MCFD2: variants seen among roughly 807,000 people sequenced by gnomAD.
MCFD2 encodes the protein multiple coagulation factor deficiency protein 2.
Under a neutral mutation model 12.8 loss-of-function variants are expected in MCFD2, and 11 were observed. The observed-to-expected ratio is 0.86, with a 90% CI of 0.54 to 1.42. The LOEUF (loss-of-function observed/expected upper bound fraction) is 1.42. Ranked by LOEUF, MCFD2 falls within the 40% of genes most tolerant of loss-of-function variation. MCFD2 has a pLI of 0.00. For missense variants in MCFD2, 191 were observed against 178.6 expected (o/e 1.07, Z -0.40); for synonymous variants, 70 against 68.1 (o/e 1.03, Z -0.14).
rs532349944 is a variant in MCFD2, at chr2:46,936,469, G to C, written c.-8+5103C>G. 9.2e-4 allele frequency among the ~76,000 whole-genome samples: 140 copies of C among 152,230 alleles called. 3 individuals carry two copies. The South Asian group carries it at 0.029, about 31-fold the overall frequency. ...TCTCTCCGGACCCTCTGTCTGCTGG[G>C]AACTGTAAATTCATCAGGATTACAG... On this transcript the variant is annotated intron_variant, in intron 1 of 2. Transcript: ENST00000409147.
At chr2:46,917,393 T>C (rs6715620), upstream of MCFD2, 23,139 of 576,110 alleles carry the variant, frequency 0.04, 944 homozygotes, top group East Asian at 0.12. Context: ...AGTTCCTCCT[T>C]CTACCCTGCA....
intron 1 of MCFD2, among the ~76,000 whole-genome samples, chr2:46,926,618 C>G (rs897171394): frequency 1.3e-5 from 2 of 152,064 alleles, no homozygotes; most frequent in African/African-American, 4.8e-5. Context: ...TTGGTAGAGC[C>G]CCCCCAGGTG....
upstream of MCFD2, among the ~76,000 whole-genome samples, chr2:46,918,362 A>G (rs1262210644): frequency 1.3e-5 from 2 of 152,110 alleles, no homozygotes; most frequent in African/African-American, 2.4e-5. Flanking sequence ...TTCCACCTCC[A>G]CTAAACCATC....
chr2:46,930,517 TA>T (rs1251023975), intron 1 of MCFD2, among the ~76,000 whole-genome samples: 1 of 145,802 alleles, frequency 6.9e-6, no homozygotes, highest in Admixed American at 6.8e-5. Context: ...TTTTTTTTTT[TA>T]GACAAAGTCT....
At position 46,909,148 on chromosome 2, in the gene MCFD2, T is replaced by G. The variant is rs1454584927; in HGVS notation, c.24A>C (p.Arg8Ser). The change falls in exon 2 of 4, where the codon AGA becomes AGC. Residue 8 changes from arginine (R) to serine (S), a missense_variant. Transcript: ENST00000319466. ...AGAGCAGGCCACACAGGAAGGGGGT[T>G]CTGAGCAGGGATCTCATGGTCATCA... MTMRSLLRTPFLCGLLWA... is the reference protein window; with the variant it reads MTMRSLLSTPFLCGLLWA... 2 of 1,614,128 alleles carry G rather than the reference T, an allele frequency of 1.2e-6. No homozygotes were observed. Among genetic ancestry groups the G allele is most frequent in the Admixed American group, 1.7e-5 (1 of 60,010 alleles).
upstream of MCFD2, among the ~76,000 whole-genome samples, chr2:46,917,840 TCTC>T (rs1237580889): frequency 6.6e-6 from 1 of 152,210 alleles, no homozygotes; most frequent in East Asian, 1.9e-4. Context: ...AACACTTTCT[TCTC>T]TTGTTTTCTG....
At chr2:46,930,656 C>T (rs780071449) in intron 1 of MCFD2, among the ~76,000 whole-genome samples, 9 of 152,128 alleles carry the variant, frequency 5.9e-5, no homozygotes, top group African/African-American at 1.2e-4. Flanking sequence ...CCTGCAACCA[C>T]GTGCAGCTAA....
upstream of MCFD2, among the ~76,000 whole-genome samples, chr2:46,917,529 A>G (rs1668874950): frequency 6.6e-6 from 1 of 152,244 alleles, no homozygotes; most frequent in African/African-American, 2.4e-5. Context: ...AGAGATACAA[A>G]TAAGACAAAT....
chr2:46,922,923 A>G (rs1315438068), intron 1 of MCFD2, among the ~76,000 whole-genome samples: 1 of 152,226 alleles, frequency 6.6e-6, no homozygotes, highest in Non-Finnish European at 1.5e-5. Context: ...CAAGGCCCCT[A>G]AAACATCTGA....
Position 46,908,574 on chromosome 2 carries a change from A to C in MCFD2, c.149+449T>G. ...CCACTGCACCCAGCCTTAAAAACAAAGGATAACCGAGTATAATGCGTGAGG... is the reference window on the plus strand; with the variant it reads ...CCACTGCACCCAGCCTTAAAAACAACGGATAACCGAGTATAATGCGTGAGG... On this transcript the variant is annotated intron_variant, in intron 2 of 3. Coordinates refer to ENST00000319466, the MANE Select transcript of MCFD2 (RefSeq NM_139279.6). The surrounding 1 kb of genome is among the most constrained non-coding windows in gnomAD (Gnocchi z 4.5). The C allele has an allele frequency of 3.6e-6, 1 of 274,398 alleles. No individual in the cohort carries two copies. The highest frequency in any genetic ancestry group is 7.1e-6 in the Non-Finnish European group (1 of 141,166). 17.0% of individuals were successfully genotyped at this position (274,398 alleles called of 1,614,324 possible).
intron 1 of MCFD2, among the ~76,000 whole-genome samples, chr2:46,930,491 C>A (rs1273783985): frequency 2.7e-5 from 4 of 147,088 alleles, no homozygotes; most frequent in Non-Finnish European, 4.5e-5. Flanking sequence ...AATTTGAAGT[C>A]CTATAATTTT....
At chr2:46,912,838 G>A (rs1375729149) in intron 1 of MCFD2, among the ~76,000 whole-genome samples, 1 of 152,190 alleles carries the variant, frequency 6.6e-6, no homozygotes, top group African/African-American at 2.4e-5. Context: ...TAGCCTGTGT[G>A]CCATGGTCCT....
intron 1 of MCFD2, among the ~76,000 whole-genome samples, chr2:46,909,381 C>T (rs930079242): frequency 6.6e-6 from 1 of 152,200 alleles, no homozygotes; most frequent in South Asian, 2.1e-4. Flanking sequence ...CAGGGGAAGG[C>T]TCACGAGGTT....
rs1294221028 is a variant in MCFD2, at chr2:46,907,869, CA to C, written c.249del (p.Asp83GlufsTer9). The C allele has an allele frequency of 3.7e-6, 6 of 1,614,056 alleles. No individual in the cohort carries two copies. Among genetic ancestry groups the C allele is most frequent in the Non-Finnish European group, 5.1e-6 (6 of 1,180,048 alleles). On this transcript the variant is annotated frameshift_variant, in exon 3 of 4. Transcript: ENST00000319466. LOFTEE classifies it high-confidence loss of function. This position sits in a 1 kb window ranked among gnomAD's most constrained non-coding sequence, Gnocchi z 4.1. ...QLHYFKMHDY[D>X]GNNLLDGLEL... The stretch of plus-strand genomic sequence containing the variant: ...TCTAAGCCATCAAGCAAATTATTGC[CA>C]TCATAATCATGCATTTTGAAGTAAT...
chr2:46,908,653 G>C lies in MCFD2; in HGVS notation c.149+370C>G. The stretch of plus-strand genomic sequence containing the variant: ...AAATGATTCAATGTTTGAATGTGTT[G>C]ATTTAAAAAAGGTCTTGTTATAGTC... On this transcript the variant is annotated intron_variant, in intron 2 of 3. Coordinates refer to ENST00000319466, the MANE Select transcript of MCFD2 (RefSeq NM_139279.6). The surrounding 1 kb of genome is among the most constrained non-coding windows in gnomAD (Gnocchi z 4.5). 1 of 333,820 alleles carries C rather than the reference G, an allele frequency of 3.0e-6. No homozygotes were observed. Among genetic ancestry groups the C allele is most frequent in the Non-Finnish European group, 5.8e-6 (1 of 173,800 alleles). 20.7% of individuals were successfully genotyped at this position (333,820 alleles called of 1,614,324 possible). A position where few individuals can be genotyped will look rare whatever the true frequency, so the allele number is the denominator to read the frequency against.
Position 46,904,956 on chromosome 2 carries a change from G to A in MCFD2, c.*507C>T. 1 of 223,028 alleles carries A rather than the reference G, an allele frequency of 4.5e-6. No homozygotes were observed. The allele number at this position is 223,028 out of a possible 1,614,324, so 13.8% of individuals were successfully genotyped here. A position where few individuals can be genotyped will look rare whatever the true frequency, so the allele number is the denominator to read the frequency against. On this transcript the variant is annotated 3_prime_UTR_variant, in exon 4 of 4. Coordinates refer to ENST00000319466, the MANE Select transcript of MCFD2 (RefSeq NM_139279.6). ...CCACGTGTTGTGGGAGAGACCCAAG[G>A]GGAGGTAATTGAATCATGGGGGCCA...
chr2:46,909,248 G>A (rs562181730), intron 1 of MCFD2, 71 bp from the exon 2 acceptor site: 1 of 1,520,984 alleles, frequency 6.6e-7, no homozygotes, highest in South Asian at 1.2e-5. Context: ...GCTTGACATG[G>A]TATGATCCTG....
At chr2:46,928,274 C>T (rs906099606) in intron 1 of MCFD2, among the ~76,000 whole-genome samples, 1 of 151,646 alleles carries the variant, frequency 6.6e-6, no homozygotes, top group Non-Finnish European at 1.5e-5. Context: ...TCTCACAGTT[C>T]TGTAGATCAG....
chr2:46,926,618 C>T (rs897171394), intron 1 of MCFD2, among the ~76,000 whole-genome samples: 1 of 152,064 alleles, frequency 6.6e-6, no homozygotes, highest in Non-Finnish European at 1.5e-5. Context: ...TTGGTAGAGC[C>T]CCCCCAGGTG....
Sources: gnomAD v4.1 joint callset for allele counts (sites outside exome capture counted in the v4.1 genomes callset) on GRCh38, gnomAD v4.1.1 for gene constraint, Gnocchi (gnomAD v3.1) non-coding constraint, MANE v1.5 for transcripts, NCBI Gene and HGNC (gene_info 2026-07-23, HGNC 2026-07-21) for gene names.